TECR: variants seen among roughly 807,000 people sequenced by gnomAD.
The protein encoded by TECR is very-long-chain enoyl-CoA reductase.
In TECR, 19 loss-of-function variants were observed where a neutral mutation model predicts 50.6. The observed-to-expected ratio is 0.38, with a 90% CI of 0.26 to 0.55. The LOEUF is 0.55. TECR is among the 20% of genes least tolerant of loss of function. TECR has a pLI of 0.79. For synonymous variants in TECR, 168 were observed against 163.5 expected (o/e 1.03, Z -0.21); for missense variants, 313 against 408.3 (o/e 0.77, Z 2.01).
chr19:14,552,303 G>A (rs1234795704), intron 1 of TECR, among the ~76,000 whole-genome samples: 1 of 151,056 alleles, frequency 6.6e-6, no homozygotes, highest in Non-Finnish European at 1.5e-5. Context: ...CAAACTGCTG[G>A]GATTATAGGC....
chr19:14,543,930 G>A (rs2073214586), intron 1 of TECR, among the ~76,000 whole-genome samples: 1 of 150,776 alleles, frequency 6.6e-6, no homozygotes, highest in Admixed American at 6.6e-5. Flanking sequence ...TAGAGACAGG[G>A]TTTCACCATG....
At chr19:14,562,106 G>T (rs944517032) in intron 1 of TECR, 3 of 492,224 alleles carry the variant, frequency 6.1e-6, no homozygotes, top group East Asian at 6.9e-5. Flanking sequence ...AGACTCCCAA[G>T]CCCCCCTCAG....
At chr19:14,557,291 C>T (rs1230898124) in intron 1 of TECR, among the ~76,000 whole-genome samples, 1 of 151,664 alleles carries the variant, frequency 6.6e-6, no homozygotes, top group Non-Finnish European at 1.5e-5. Context: ...CAGGCACACA[C>T]CACCATGCCT....
chr19:14,565,133 T>A lies in TECR; in HGVS notation c.664+10T>A, dbSNP rs756230581. 23 of 1,613,732 alleles carry A rather than the reference T, an allele frequency of 1.4e-5. No individual in the cohort carries two copies. The African/African-American group carries it at 2.8e-4, about 20-fold the overall frequency. On this transcript the variant is annotated intron_variant, in intron 10 of 12. Coordinates refer to ENST00000215567, the MANE Select transcript of TECR (RefSeq NM_138501.6). ...GACCTGCGGCCCGCTGGTGAGTGCC[T>A]GCTGGGGGCAGGGGGACAGCTGGGC...
intron 9 of TECR, 33 bp downstream of exon 9, chr19:14,565,025 G>C: frequency 6.2e-7 from 1 of 1,613,940 alleles, no homozygotes; most frequent in Non-Finnish European, 8.5e-7. Context: ...CGGGGTCGGG[G>C]GAGTCTGGGC....
chr19:14,539,263 G>T (rs2146569151), intron 1 of TECR, among the ~76,000 whole-genome samples: 2 of 149,708 alleles, frequency 1.3e-5, no homozygotes, highest in African/African-American at 4.9e-5. Flanking sequence ...CAAAGTACTG[G>T]GATTACAGGC....
rs2074041151 is a variant in TECR, at chr19:14,565,237, A to G, written c.700A>G (p.Asn234Asp). ...GCGGAAGATCCCATACCCCACCAAG[A>G]ACCCCTTCACGTGGCTCTTCCTGCT... ...KTRKIPYPTK[N>D]PFTWLFLLVS... The change falls in exon 11 of 13, where the codon AAC (asparagine) becomes GAC (aspartate). Residue 234 changes from asparagine to aspartate, a missense_variant. Asn to Asp is a conservative substitution (Grantham distance 23). Coordinates refer to ENST00000215567, the MANE Select transcript of TECR (RefSeq NM_138501.6). 6.2e-7 allele frequency: 1 copy of G among 1,613,830 alleles called. No individual in the cohort carries two copies. The highest frequency in any genetic ancestry group is 1.3e-5 in the African/African-American group (1 of 74,896).
chr19:14,543,434 T>A (rs1471417462), intron 1 of TECR, among the ~76,000 whole-genome samples: 1,452 of 36,354 alleles, frequency 0.04, 58 homozygotes, highest in Non-Finnish European at 0.073. Context: ...TTTTTTTTTT[T>A]TTTTTTTTTT....
At position 14,534,423 on chromosome 19, in the gene TECR, C is replaced by CTTTTT. The variant is rs756051119; in HGVS notation, c.15+4738_15+4742dup. On this transcript the variant is annotated intron_variant, in intron 1 of 12. Coordinates refer to ENST00000215567, the MANE Select transcript of TECR (RefSeq NM_138501.6). Reference sequence around the variant, plus strand: ...ACAGGAGTGAGCCACCATGCCTGGCCTTTTTTTTTTTTTTTTTTTTTTTTT... The same window carrying CTTTTT: ...ACAGGAGTGAGCCACCATGCCTGGCCTTTTTTTTTTTTTTTTTTTTTTTTTTTTTT... 5.9e-4 allele frequency among the ~76,000 whole-genome samples: 31 copies of CTTTTT among 52,488 alleles called. 7 individuals are homozygous for CTTTTT. Among genetic ancestry groups the CTTTTT allele is most frequent in the African/African-American group, 2.0e-3 (21 of 10,704 alleles). 34.4% of individuals were successfully genotyped at this position (52,488 alleles called of 152,430 possible). A position where few individuals can be genotyped will look rare whatever the true frequency, so the allele number is the denominator to read the frequency against.
At chr19:14,547,323 C>T (rs1045149359) in intron 1 of TECR, among the ~76,000 whole-genome samples, 1 of 151,622 alleles carries the variant, frequency 6.6e-6, no homozygotes, top group Non-Finnish European at 1.5e-5. Context: ...TAGTTACAGG[C>T]GTGAGCCACC....
chr19:14,528,493 C>T (rs1278318890), upstream of TECR, among the ~76,000 whole-genome samples: 1 of 152,002 alleles, frequency 6.6e-6, no homozygotes, highest in Non-Finnish European at 1.5e-5. Context: ...CCCCCTCGGC[C>T]TCCCAAGGTG....
At chr19:14,529,830 A>T in intron 1 of TECR, 119 bp downstream of exon 1, 1 of 1,443,430 alleles carries the variant, frequency 6.9e-7, no homozygotes, top group East Asian at 2.3e-5. Context: ...CAGACGGCGC[A>T]GGCGCAGTGG....
intron 6 of TECR, 22 bp from the exon 7 acceptor site, chr19:14,564,160 T>C (rs750705579): frequency 6.8e-6 from 11 of 1,606,040 alleles, no homozygotes; most frequent in South Asian, 2.2e-5. Flanking sequence ...CAGCCCCAGC[T>C]GAGCCTGCTC....
intron 8 of TECR, 39 bp downstream of exon 8, chr19:14,564,897 C>T: frequency 1.9e-6 from 3 of 1,614,058 alleles, no homozygotes; most frequent in Middle Eastern, 1.6e-4. Context: ...CCCCACGGTC[C>T]CCACCCAGCG....
At position 14,563,691 on chromosome 19, in the gene TECR, G is replaced by A. The variant is rs774603707; in HGVS notation, c.152G>A (p.Arg51His). The change falls in exon 4 of 13, where the codon CGC becomes CAC. Residue 51 changes from arginine (R) to histidine (H), a missense_variant. Physicochemically the swap from Arg to His is conservative, Grantham distance 29. Coordinates refer to ENST00000215567, the MANE Select transcript of TECR (RefSeq NM_138501.6). The surrounding 1 kb of genome is among the most constrained non-coding windows in gnomAD (Gnocchi z 5.3). ...PQWYPARQSL[R>H]LDPKGKSLKD... The stretch of plus-strand genomic sequence containing the variant: ...TGGTACCCCGCCCGCCAGTCCCTCC[G>A]CCTGGACCCCAGTGAGTACAGCTGT... 38 of 1,612,846 alleles carry A rather than the reference G, an allele frequency of 2.4e-5. No individual in the cohort carries two copies. The highest frequency in any genetic ancestry group is 1.7e-4 in the Middle Eastern group (1 of 5,948).
intron 1 of TECR, among the ~76,000 whole-genome samples, chr19:14,542,347 G>GTTTTTTTTTTTTTTTTTTTTTTTTTTTT (rs71166754): frequency 2.3e-5 from 1 of 43,282 alleles, no homozygotes; most frequent in Non-Finnish European, 4.4e-5. Context: ...ATGCCATAGT[G>GTTTTTTTTTTTTTTTTTTTTTTTTTTTT]TTTTTTTTTT....
Position 14,563,126 on chromosome 19 carries a change from T to A in TECR, c.67-80T>A. 6.4e-7 allele frequency: 1 copy of A among 1,553,842 alleles called. No individual in the cohort carries two copies. The highest frequency in any genetic ancestry group is 8.8e-7 in the Non-Finnish European group (1 of 1,130,724). On this transcript the variant is annotated intron_variant, in intron 2 of 12. Coordinates refer to ENST00000215567, the MANE Select transcript of TECR (RefSeq NM_138501.6). This position sits in a 1 kb window ranked among gnomAD's most constrained non-coding sequence, Gnocchi z 5.3. ...CATAGCTACAGCCCAACCCCCAGCCTGCCATCCCCTTTAGTACCTCCCCAT... is the reference window on the plus strand; with the variant it reads ...CATAGCTACAGCCCAACCCCCAGCCAGCCATCCCCTTTAGTACCTCCCCAT...
chr19:14,556,753 G>A (rs1004903126), intron 1 of TECR, among the ~76,000 whole-genome samples: 18 of 152,180 alleles, frequency 1.2e-4, no homozygotes, highest in African/African-American at 3.6e-4. Flanking sequence ...CCCTGACATC[G>A]GCTTTGGGAC....
chr19:14,563,975 C>G lies in TECR; in HGVS notation c.268-7C>G. The G allele has an allele frequency of 2.5e-5, 41 of 1,614,066 alleles. No homozygotes were observed. Among genetic ancestry groups the G allele is most frequent in the Non-Finnish European group, 3.5e-5 (41 of 1,179,926 alleles). On this transcript the variant is annotated splice_polypyrimidine_tract_variant and splice_region_variant and intron_variant, in intron 5 of 12. Transcript: ENST00000215567. The surrounding 1 kb of genome is among the most constrained non-coding windows in gnomAD (Gnocchi z 5.3). ...GGGTGACTCATCTTGCCCCCCTCTA[C>G]TCTCAGGTCTTCCTAACAGAGTACG...
Sources: gnomAD v4.1 joint callset for allele counts (sites outside exome capture counted in the v4.1 genomes callset) on GRCh38, gnomAD v4.1.1 for gene constraint, Gnocchi (gnomAD v3.1) non-coding constraint, MANE v1.5 for transcripts, NCBI Gene and HGNC (gene_info 2026-07-23, HGNC 2026-07-21) for gene names.